Variants in ZC3H13 observed in about 807,000 individuals in gnomAD.
The protein encoded by ZC3H13 is zinc finger CCCH-type containing 13.
Under a neutral mutation model 204.1 loss-of-function variants are expected in ZC3H13, and 64 were observed. That is an observed-to-expected ratio of 0.31 (90% confidence interval 0.26 to 0.39). ZC3H13 has a LOEUF of 0.39. ZC3H13 is among the 10% of genes least tolerant of loss of function. The pLI is 1.00. For missense variants in ZC3H13, 1,833 were observed against 2,082.7 expected (o/e 0.88, Z 2.33); for synonymous variants, 667 against 693.7 (o/e 0.96, Z 0.60).
intron 7 of ZC3H13, among the ~76,000 whole-genome samples, chr13:46,008,961 A>G (rs1481804937): frequency 6.6e-6 from 1 of 152,186 alleles, no homozygotes. Flanking sequence ...AGTAGGCACT[A>G]TGAGAAGACA....
chr13:46,029,856 A>T (rs182528444), intron 4 of ZC3H13, among the ~76,000 whole-genome samples: 51 of 152,332 alleles, frequency 3.3e-4, no homozygotes, highest in African/African-American at 7.7e-4. Context: ...CTTATCAAAA[A>T]TATTAGCAAA....
chr13:45,968,715 AAC>A, intron 14 of ZC3H13, 31 bp downstream of exon 14: 2 of 1,539,130 alleles, frequency 1.3e-6, no homozygotes, highest in Admixed American at 4.3e-5. Context: ...TAACCTAGGA[AAC>A]AGTGACTAGA....
chr13:45,957,062 C>A lies in ZC3H13; in HGVS notation c.*65G>T, dbSNP rs1803661828. 6 of 1,279,578 alleles carry A rather than the reference C, an allele frequency of 4.7e-6. No individual in the cohort carries two copies. The highest frequency in any genetic ancestry group is 6.0e-6 in the Non-Finnish European group (6 of 997,268). The allele number at this position is 1,279,578 out of a possible 1,614,324, so 79.3% of individuals were successfully genotyped here. On this transcript the variant is annotated 3_prime_UTR_variant, in exon 19 of 19. Transcript: ENST00000679008. ...CACTAATGCTTGTCAAACCAAAGAACTTTGCAAAAGAATATGCACTGCTGA... is the reference window on the plus strand; with the variant it reads ...CACTAATGCTTGTCAAACCAAAGAAATTTGCAAAAGAATATGCACTGCTGA...
chr13:46,003,496 G>A (rs2040901713), intron 7 of ZC3H13, among the ~76,000 whole-genome samples, 160 bp from the exon 8 acceptor site: 2 of 152,048 alleles, frequency 1.3e-5, no homozygotes, highest in South Asian at 4.1e-4. Flanking sequence ...AACAGAAATG[G>A]CTGAAGAATT....
intron 3 of ZC3H13, 123 bp from the exon 4 acceptor site, chr13:46,042,398 C>T (rs1211839107): frequency 6.7e-6 from 4 of 593,604 alleles, no homozygotes; most frequent in Non-Finnish European, 1.1e-5. Flanking sequence ...TCTCAATACA[C>T]TTTTTCTAAC....
chr13:46,045,202 AG>A, intron 2 of ZC3H13, 138 bp from the exon 3 acceptor site: 1 of 965,954 alleles, frequency 1.0e-6, no homozygotes, highest in Non-Finnish European at 1.5e-6. Flanking sequence ...TAAAAACTTC[AG>A]GAAAAAAATA....
Position 45,964,057 on chromosome 13 carries a change from AAAGT to A in ZC3H13, c.4475-19_4475-16del. On this transcript the variant is annotated splice_polypyrimidine_tract_variant and intron_variant, in intron 16 of 18. Transcript: ENST00000679008. Reference sequence around the variant, plus strand: ...ATCTAAGGGATCTGTAAAAAGTTAAAAAGTAAGATTTGTTTTACACCAAGAAATA... The same window carrying A: ...ATCTAAGGGATCTGTAAAAAGTTAAAAAGATTTGTTTTACACCAAGAAATA... 3.1e-6 allele frequency: 5 copies of A among 1,601,734 alleles called. No individual in the cohort carries two copies. The highest frequency in any genetic ancestry group is 4.3e-6 in the Non-Finnish European group (5 of 1,175,214).
chr13:45,974,752 C>T (rs567755790), intron 12 of ZC3H13, among the ~76,000 whole-genome samples: 2 of 152,230 alleles, frequency 1.3e-5, no homozygotes, highest in East Asian at 3.9e-4. Flanking sequence ...CAGAATGGCA[C>T]AGGTGATATC....
At chr13:45,962,136 G>A in intron 17 of ZC3H13, 1 of 978,502 alleles carries the variant, frequency 1.0e-6, no homozygotes, top group South Asian at 4.7e-5. Context: ...CACTTTTCTG[G>A]GCAATAGCAG....
At chr13:46,029,585 C>G (rs1223323879) in intron 4 of ZC3H13, among the ~76,000 whole-genome samples, 1 of 151,642 alleles carries the variant, frequency 6.6e-6, no homozygotes, top group East Asian at 1.9e-4. Flanking sequence ...CCCGCTACCA[C>G]GCCCGGCTAA....
At chr13:46,048,293 T>C (rs1395657154) in intron 1 of ZC3H13, among the ~76,000 whole-genome samples, 1 of 152,026 alleles carries the variant, frequency 6.6e-6, no homozygotes, top group Non-Finnish European at 1.5e-5. Context: ...ACTTTGAAGA[T>C]TTCGCCGGGC....
chr13:46,038,407 G>T (rs1281774531), intron 4 of ZC3H13, among the ~76,000 whole-genome samples: 2 of 152,138 alleles, frequency 1.3e-5, no homozygotes, highest in East Asian at 3.9e-4. Flanking sequence ...GTATCTTTCT[G>T]ACACACTATC....
intron 5 of ZC3H13, among the ~76,000 whole-genome samples, chr13:46,017,401 G>C (rs1281257039): frequency 6.6e-6 from 1 of 152,144 alleles, no homozygotes; most frequent in African/African-American, 2.4e-5. Context: ...CAGGTGGAAT[G>C]TAGAAGCAGG....
rs554843668 is a variant in ZC3H13 at position 45,964,617 on chromosome 13, G to GA, written c.4475-576dup. 3.6e-3 allele frequency among the ~76,000 whole-genome samples: 549 copies of GA among 152,010 alleles called. 3 individuals carry two copies. The highest frequency in any genetic ancestry group is 6.8e-3 in the Middle Eastern group (2 of 294). ...ATCATACATACCTTCTACATCAGTA[G>GA]AAAAAATTGCAAAATATAAGAGCAA... is the stretch of plus-strand genomic sequence containing the variant. On this transcript the variant is annotated intron_variant, in intron 16 of 18. Transcript: ENST00000679008.
At position 46,010,497 on chromosome 13, in the gene ZC3H13, T is replaced by C. The variant is rs2138647320; in HGVS notation, c.597A>G (p.Pro199=). 1 of 1,608,770 alleles carries C rather than the reference T, an allele frequency of 6.2e-7. No homozygotes were observed. Among genetic ancestry groups the C allele is most frequent in the East Asian group, 2.2e-5 (1 of 44,810 alleles). Residue 199 remains proline, a synonymous_variant, in exon 7 of 19, where the codon CCA becomes CCG. Coordinates refer to ENST00000679008, the MANE Select transcript of ZC3H13 (RefSeq NM_001330564.2). ...EEIIIKKEVS[P]EVVRSKLSPS... ...GGGACAATTTTGATCTAACCACTTCTGGTGAAACCTTTAAAAAAATTCAGT... is the reference window on the plus strand; with the variant it reads ...GGGACAATTTTGATCTAACCACTTCCGGTGAAACCTTTAAAAAAATTCAGT...
chr13:46,003,352 A>C lies in ZC3H13; in HGVS notation c.747-16T>G, dbSNP rs1294124723. 1.2e-6 allele frequency: 2 copies of C among 1,601,070 alleles called. No homozygotes were observed. The highest frequency in any genetic ancestry group is 3.5e-5 in the Admixed American group (2 of 56,600). On this transcript the variant is annotated splice_polypyrimidine_tract_variant and intron_variant, in intron 7 of 18. Transcript: ENST00000679008. Reference sequence around the variant, plus strand: ...TTTTGAATTTCTGAAGGTAACAAAAAGCTATCATTAGAGGTTCAAATATGC... The same window carrying C: ...TTTTGAATTTCTGAAGGTAACAAAACGCTATCATTAGAGGTTCAAATATGC...
chr13:45,963,387 C>G (rs1039636078), intron 17 of ZC3H13: 1 of 988,458 alleles, frequency 1.0e-6, no homozygotes, highest in South Asian at 4.6e-5. Context: ...CAAGGGCAAA[C>G]CACTGAGCAC....
In ZC3H13 at chr13:46,010,423, C is replaced by T. The variant is rs1374003695; in HGVS notation, c.671G>A (p.Ser224Asn). Reference protein sequence around the residue: ...KSSKSPKRKSSPKSSSASKKD... With the variant: ...KSSKSPKRKSNPKSSSASKKD... ...CTTGCTAGCTGAAGACGACTTCGGG[C>T]TTGATTTTCGCTTCGGAGATTTGCT... Residue 224 changes from serine to asparagine, a missense_variant, in exon 7 of 19, where the codon AGC becomes AAC. Around this residue, in one of 5 missense-constraint regions of ZC3H13, gnomAD observed 1,574 missense variants for 1,757.2 expected, o/e 0.90. Transcript: ENST00000679008. 1 of 1,613,816 alleles carries T rather than the reference C, an allele frequency of 6.2e-7. No homozygotes were observed. Among genetic ancestry groups the T allele is most frequent in the East Asian group, 2.2e-5 (1 of 44,868 alleles).
intron 7 of ZC3H13, among the ~76,000 whole-genome samples, chr13:46,004,069 C>A (rs369653567): frequency 2.0e-5 from 3 of 151,664 alleles, no homozygotes; most frequent in South Asian, 2.1e-4. Context: ...TTATAGAATG[C>A]GAGAAAATAT....
Sources: gnomAD v4.1 joint callset for allele counts (sites outside exome capture counted in the v4.1 genomes callset) on GRCh38, gnomAD v4.1.1 for gene constraint, gnomAD v4.1.1 regional missense constraint, MANE v1.5 for transcripts, NCBI Gene and HGNC (gene_info 2026-07-23, HGNC 2026-07-21) for gene names.